HCN2: variants seen among roughly 807,000 people sequenced by gnomAD.
HCN2 encodes potassium/sodium hyperpolarization-activated cyclic nucleotide-gated channel 2.
In HCN2, 20 loss-of-function variants were observed where a neutral mutation model predicts 52.3. The ratio of observed to expected loss-of-function variants is 0.38; its 90% CI spans 0.27 to 0.56. The LOEUF (loss-of-function observed/expected upper bound fraction) is 0.56, where lower values mean the gene tolerates loss of function less well. Ranked by LOEUF, HCN2 falls within the 20% of genes least tolerant of loss-of-function variation. HCN2 has a pLI of 0.71. For missense variants in HCN2, 981 were observed against 1,207.7 expected (o/e 0.81, Z 2.78); for synonymous variants, 694 against 537.0 (o/e 1.29, Z -4.04).
rs1279636069 is a variant in HCN2, at chr19:591,023, C to T, written c.632+446C>T. On this transcript the variant is annotated intron_variant, in intron 1 of 7. Coordinates refer to ENST00000251287, the MANE Select transcript of HCN2 (RefSeq NM_001194.4). The surrounding 1 kb of genome is among the most constrained non-coding windows in gnomAD (Gnocchi z 4.1). Reference sequence around the variant, plus strand: ...GCGGCTCCCACGGCGTCCACCCGCGCCCCGCCTGCGAGGAGGCGCGCCCGG... The same window carrying T: ...GCGGCTCCCACGGCGTCCACCCGCGTCCCGCCTGCGAGGAGGCGCGCCCGG... The T allele has an allele frequency of 6.6e-6, 1 of 152,106 alleles. No homozygotes were observed. 9.4% of individuals were successfully genotyped at this position (152,106 alleles called of 1,614,324 possible).
intron 5 of HCN2, among the ~76,000 whole-genome samples, chr19:611,816 T>C (rs1055818114): frequency 9.2e-5 from 14 of 152,140 alleles, no homozygotes; most frequent in Non-Finnish European, 2.1e-4. Flanking sequence ...ACTTAGTCAT[T>C]ATTTAGGTGT....
rs774115932 is a variant in HCN2 at position 613,499 on chromosome 19, GGGGGGCGCGCCTGGAGGGGGA to G, written c.1825+18_1825+38del. ...GCTCCTACTTCGGGGGTGAGCTTGAGGGGGGCGCGCCTGGAGGGGGAGGGGGCACGCGACCCCCGCGGTGTG... is the reference window on the plus strand; with the variant it reads ...GCTCCTACTTCGGGGGTGAGCTTGAGGGGGGCACGCGACCCCCGCGGTGTG... On this transcript the variant is annotated intron_variant, in intron 6 of 7. Transcript: ENST00000251287. The G allele has an allele frequency of 7.5e-5, 118 of 1,581,990 alleles. 1 individual carries two copies. The African/African-American group carries it at 1.5e-3, about 19-fold the overall frequency.
chr19:606,942 T>G (rs36092405), intron 3 of HCN2, among the ~76,000 whole-genome samples: 1 of 35,884 alleles, frequency 2.8e-5, no homozygotes, highest in African/African-American at 5.1e-4. Context: ...GAGGCCGAGG[T>G]GGGGCTGATC....
chr19:602,949 TG>T (rs1340967015), intron 1 of HCN2, among the ~76,000 whole-genome samples: 25 of 58,620 alleles, frequency 4.3e-4, no homozygotes, highest in Non-Finnish European at 6.5e-4. Flanking sequence ...TGCAGGCGCC[TG>T]GGGGGAAGGC....
chr19:616,238 CGCCTGA>C lies in HCN2; in HGVS notation c.2438_2443del (p.Leu813_Ser814del). 5.0e-6 allele frequency: 5 copies of C among 1,000,574 alleles called. No individual in the cohort carries two copies. Among genetic ancestry groups the C allele is most frequent in the Non-Finnish European group, 5.9e-6 (5 of 842,608 alleles). The allele number at this position is 1,000,574 out of a possible 1,614,324, so 62.0% of individuals were successfully genotyped here. On this transcript the variant is annotated inframe_deletion, in exon 8 of 8. Coordinates refer to ENST00000251287, the MANE Select transcript of HCN2 (RefSeq NM_001194.4). ...TGCTGGGCCCGCCCTGCCCGCGCGC[CGCCTGA>C]GCCGCGCGTCGCGCCCACTGTCCGC...
In HCN2 at chr19:616,292, G is replaced by C; in HGVS notation, c.2488G>C (p.Gly830Arg). Residue 830 changes from glycine (G) to arginine (R), a missense_variant, in exon 8 of 8, where the codon GGC becomes CGC. Around this residue, in one of 6 missense-constraint regions of HCN2, gnomAD observed 368 missense variants for 314.8 expected, o/e 1.17. Transcript: ENST00000251287. ...CGCCTCGCAGCCCTCGCTGCCTCACGGCGCCCCCGGCCCCGCGGCCTCCAC... is the reference window on the plus strand; with the variant it reads ...CGCCTCGCAGCCCTCGCTGCCTCACCGCGCCCCCGGCCCCGCGGCCTCCAC... Reference protein sequence around the residue: ...LSASQPSLPHGAPGPAASTRP... With the variant: ...LSASQPSLPHRAPGPAASTRP... The C allele has an allele frequency of 1.9e-6, 2 of 1,080,590 alleles. No homozygotes were observed. The highest frequency in any genetic ancestry group is 4.3e-4 in the Middle Eastern group (1 of 2,348). The allele number at this position is 1,080,590 out of a possible 1,614,324, so 66.9% of individuals were successfully genotyped here.
chr19:590,032 G>T lies in HCN2; in HGVS notation c.87G>T (p.Ala29=), dbSNP rs1982815760. The T allele has an allele frequency of 1.2e-5, 7 of 584,990 alleles. No individual in the cohort carries two copies. The highest frequency in any genetic ancestry group is 1.3e-5 in the Non-Finnish European group (6 of 478,678). 36.2% of individuals were successfully genotyped at this position (584,990 alleles called of 1,614,324 possible). The change falls in exon 1 of 8, where the codon GCG becomes GCT. Residue 29 remains alanine (A), a synonymous_variant. Coordinates refer to ENST00000251287, the MANE Select transcript of HCN2 (RefSeq NM_001194.4). The surrounding 1 kb of genome is among the most constrained non-coding windows in gnomAD (Gnocchi z 7.2). Reference sequence around the variant, plus strand: ...GGCCGCCGCCGCCGCCGCCGCCCGCGCCCCCCCAACAGCAGCCGCCGCCGC... The same window carrying T: ...GGCCGCCGCCGCCGCCGCCGCCCGCTCCCCCCCAACAGCAGCCGCCGCCGC... ...APGPPPPPPP[A]PPQQQPPPPP... is the part of the protein sequence containing the mutation.
chr19:608,327 G>T (rs1381117068), intron 4 of HCN2, 145 bp downstream of exon 4: 1 of 737,720 alleles, frequency 1.4e-6, no homozygotes, highest in Non-Finnish European at 2.2e-6. Context: ...GGGAGGCCTT[G>T]CCCTGGGGTC....
intron 1 of HCN2, among the ~76,000 whole-genome samples, chr19:602,368 G>T (rs1983233905): frequency 1.0e-5 from 1 of 100,450 alleles, no homozygotes; most frequent in South Asian, 3.5e-4. Flanking sequence ...CCTCTCCTGC[G>T]TGGACGCCCC....
chr19:598,847 A>G (rs562589817), intron 1 of HCN2, among the ~76,000 whole-genome samples: 1 of 152,220 alleles, frequency 6.6e-6, no homozygotes, highest in Non-Finnish European at 1.5e-5. Context: ...TGACCTTGTA[A>G]TCTGCCCGCC....
chr19:595,172 G>A (rs577070039), intron 1 of HCN2, among the ~76,000 whole-genome samples: 17 of 152,022 alleles, frequency 1.1e-4, no homozygotes, highest in South Asian at 2.1e-4. Context: ...ACTGCACTCC[G>A]GCCCGGGAAA....
chr19:614,450 G>T (rs747011095), intron 7 of HCN2, among the ~76,000 whole-genome samples: 1 of 152,202 alleles, frequency 6.6e-6, no homozygotes, highest in Admixed American at 6.5e-5. Context: ...CGACTGGGCT[G>T]TGTGCCAGCA....
intron 1 of HCN2, among the ~76,000 whole-genome samples, chr19:597,339 G>C (rs767162837): frequency 6.6e-6 from 1 of 152,244 alleles, no homozygotes; most frequent in Non-Finnish European, 1.5e-5. Flanking sequence ...TCAGAGGGGA[G>C]GTGTGGTACC....
intron 2 of HCN2, 130 bp from the exon 3 acceptor site, chr19:604,931 G>C: frequency 2.1e-6 from 2 of 963,160 alleles, no homozygotes; most frequent in Non-Finnish European, 3.0e-6. Flanking sequence ...TGGGGCGGGG[G>C]TCCTGTGCGG....
chr19:608,072 C>T lies in HCN2; in HGVS notation c.1327C>T (p.Leu443=), dbSNP rs749531248. ...GCCCGAGAGCATGACGGACATCTGGCTGACCATGCTCAGCATGATTGTGGG... is the reference window on the plus strand; with the variant it reads ...GCCCGAGAGCATGACGGACATCTGGTTGACCATGCTCAGCATGATTGTGGG... ...QAPESMTDIW[L]TMLSMIVGAT... Residue 443 remains leucine (L), a synonymous_variant, in exon 4 of 8, where the codon CTG becomes TTG. Transcript: ENST00000251287. 5 of 1,613,174 alleles carry T rather than the reference C, an allele frequency of 3.1e-6. No homozygotes were observed. The highest frequency in any genetic ancestry group is 4.2e-6 in the Non-Finnish European group (5 of 1,180,010).
chr19:597,939 G>A (rs908027985), intron 1 of HCN2, among the ~76,000 whole-genome samples: 6 of 152,100 alleles, frequency 3.9e-5, no homozygotes, highest in East Asian at 1.9e-4. Context: ...CTCGCCCCTC[G>A]TGGGGGAGGT....
At position 616,912 on chromosome 19, in the gene HCN2, G is replaced by A; in HGVS notation, c.*438G>A. ...TTCCCGCTGCCCCCATCGCGCTCAC[G>A]CAATAACCGGCCCGGCCCCCGTCCG... is the stretch of plus-strand genomic sequence containing the variant. On this transcript the variant is annotated 3_prime_UTR_variant, in exon 8 of 8. Transcript: ENST00000251287. The A allele has an allele frequency of 3.1e-6, 1 of 325,618 alleles. No homozygotes were observed. The highest frequency in any genetic ancestry group is 5.8e-6 in the Non-Finnish European group (1 of 172,756). The allele number at this position is 325,618 out of a possible 1,614,324, so 20.2% of individuals were successfully genotyped here. A position where few individuals can be genotyped will look rare whatever the true frequency, so the allele number is the denominator to read the frequency against.
chr19:602,661 T>C (rs1419711955), intron 1 of HCN2, among the ~76,000 whole-genome samples: 1 of 152,236 alleles, frequency 6.6e-6, no homozygotes, highest in Non-Finnish European at 1.5e-5. Context: ...CCCCGGCTCC[T>C]CTCTGCTCCT....
At chr19:601,124 C>T (rs934984018) in intron 1 of HCN2, among the ~76,000 whole-genome samples, 1 of 152,166 alleles carries the variant, frequency 6.6e-6, no homozygotes, top group Non-Finnish European at 1.5e-5. Context: ...ACCAGCCTGA[C>T]CAACATGGTG....
Sources: gnomAD v4.1 joint callset for allele counts (sites outside exome capture counted in the v4.1 genomes callset) on GRCh38, gnomAD v4.1.1 for gene constraint, gnomAD v4.1.1 regional missense constraint, Gnocchi (gnomAD v3.1) non-coding constraint, MANE v1.5 for transcripts, NCBI Gene and HGNC (gene_info 2026-07-23, HGNC 2026-07-21) for gene names.